SEC14L1: variants seen among roughly 807,000 people sequenced by gnomAD.
The protein encoded by SEC14L1 is SEC14-like protein 1.
In SEC14L1, 48 loss-of-function variants were observed where a neutral mutation model predicts 85.3. The ratio of observed to expected loss-of-function variants is 0.56; its 90% CI spans 0.45 to 0.72. SEC14L1 has a LOEUF of 0.72. SEC14L1 is among the 30% of genes least tolerant of loss of function. SEC14L1 has a pLI of 0.00. For synonymous variants in SEC14L1, 391 were observed against 355.5 expected, an observed-to-expected ratio of 1.10 and a Z score of -1.12; for missense variants, 682 against 921.4, an observed-to-expected ratio of 0.74 and a Z score of 3.36.
chr17:77,110,170 C>G (rs1972015558), intron 3 of SEC14L1, among the ~76,000 whole-genome samples: 1 of 152,208 alleles, frequency 6.6e-6, no homozygotes, highest in African/African-American at 2.4e-5. Context: ...CTCAGAACAC[C>G]AAGCTCTGAA....
At chr17:77,184,286 A>G (rs1257875948) in intron 3 of SEC14L1, among the ~76,000 whole-genome samples, 1 of 152,074 alleles carries the variant, frequency 6.6e-6, no homozygotes, top group Non-Finnish European at 1.5e-5. Flanking sequence ...CCTTTGTTAA[A>G]TTTATCTGTA....
In SEC14L1 at chr17:77,206,707, A is replaced by T; in HGVS notation, c.1342-21A>T. ...TCAGGCAGCAGAGAAATATGACTGC[A>T]TGGTCTTCTCCTCCTCACAGGTTAG... On this transcript the variant is annotated intron_variant, in intron 12 of 16. Transcript: ENST00000436233. This position sits in a 1 kb window ranked among gnomAD's most constrained non-coding sequence, Gnocchi z 4.3. The T allele has an allele frequency of 6.3e-7, 1 of 1,579,390 alleles. No homozygotes were observed. The highest frequency in any genetic ancestry group is 8.6e-7 in the Non-Finnish European group (1 of 1,165,948).
intron 3 of SEC14L1, among the ~76,000 whole-genome samples, chr17:77,096,055 C>CTTT (rs58863646): frequency 9.7e-5 from 12 of 124,238 alleles, no homozygotes; most frequent in African/African-American, 2.4e-4. Flanking sequence ...TGCAGTCAGT[C>CTTT]TTTTTTTTTT....
chr17:77,191,081 C>T, intron 4 of SEC14L1, 100 bp from the exon 5 acceptor site: 1 of 1,516,532 alleles, frequency 6.6e-7, no homozygotes, highest in South Asian at 1.2e-5. Flanking sequence ...GAGAGGGCGT[C>T]CTGGAGGGCA....
intron 3 of SEC14L1, among the ~76,000 whole-genome samples, chr17:77,190,202 A>G (rs190283885): frequency 6.3e-4 from 96 of 152,348 alleles, no homozygotes; most frequent in African/African-American, 2.1e-3. Flanking sequence ...TAATTGCTCC[A>G]GTAACATGTT....
At chr17:77,113,834 G>A (rs1260321470) in intron 3 of SEC14L1, among the ~76,000 whole-genome samples, 1 of 152,196 alleles carries the variant, frequency 6.6e-6, no homozygotes, top group Non-Finnish European at 1.5e-5. Flanking sequence ...CTGGGGTGAA[G>A]AAGTCACTGT....
intron 3 of SEC14L1, among the ~76,000 whole-genome samples, chr17:77,126,931 C>T (rs1477557319): frequency 6.6e-6 from 1 of 151,604 alleles, no homozygotes; most frequent in African/African-American, 2.4e-5. Context: ...AGCAGGGGCG[C>T]CTCCCTTCCC....
At chr17:77,159,769 A>ATTC (rs1973979545) in intron 3 of SEC14L1, among the ~76,000 whole-genome samples, 1 of 152,206 alleles carries the variant, frequency 6.6e-6, no homozygotes, top group African/African-American at 2.4e-5. Flanking sequence ...TGTTGAAAAT[A>ATTC]CAGCTTTAAT....
chr17:77,197,205 G>T (rs1975857827), intron 8 of SEC14L1, among the ~76,000 whole-genome samples: 1 of 152,222 alleles, frequency 6.6e-6, no homozygotes. Context: ...AGGAGTTGGG[G>T]TCATGAATAG....
chr17:77,155,336 A>G (rs1019270551), intron 3 of SEC14L1, among the ~76,000 whole-genome samples: 1 of 151,912 alleles, frequency 6.6e-6, no homozygotes, highest in East Asian at 1.9e-4. Flanking sequence ...ACACCCACAC[A>G]CCCACCCCAG....
At chr17:77,130,016 A>G (rs1972566657) in intron 3 of SEC14L1, 1 of 152,192 alleles carries the variant, frequency 6.6e-6, no homozygotes, top group South Asian at 2.1e-4. Context: ...CAAGCCAAAA[A>G]GAAATATGAT....
chr17:77,142,532 T>C (rs2143510083), intron 1 of SEC14L1, 114 bp from the exon 2 acceptor site: 1 of 136,138 alleles, frequency 7.3e-6, no homozygotes, highest in East Asian at 2.2e-4. Context: ...TGTTCCACCT[T>C]GGGCAACAGA....
intron 6 of SEC14L1, 131 bp downstream of exon 6, chr17:77,193,680 AC>A: frequency 2.2e-6 from 2 of 928,952 alleles, no homozygotes; most frequent in Admixed American, 2.4e-5. Flanking sequence ...TATGATCCCT[AC>A]CCCCTGCCTC....
intron 7 of SEC14L1, 113 bp from the exon 8 acceptor site, chr17:77,196,089 T>C: frequency 1.3e-6 from 1 of 751,900 alleles, no homozygotes; most frequent in South Asian, 1.6e-5. Flanking sequence ...TCTCTGCGGT[T>C]TCATGTGCCT....
intron 3 of SEC14L1, among the ~76,000 whole-genome samples, chr17:77,101,565 A>G (rs1369268123): frequency 2.6e-5 from 4 of 152,166 alleles, no homozygotes; most frequent in East Asian, 1.9e-4. Context: ...TTGGTCTAAG[A>G]ATATAAGTGA....
chr17:77,191,136 T>C, intron 4 of SEC14L1, 45 bp from the exon 5 acceptor site: 1 of 1,586,250 alleles, frequency 6.3e-7, no homozygotes, highest in Non-Finnish European at 8.6e-7. Context: ...TCTGTGCTAT[T>C]GGTTGTTATT....
chr17:77,165,290 G>A (rs1369175625), intron 3 of SEC14L1, among the ~76,000 whole-genome samples: 1 of 152,156 alleles, frequency 6.6e-6, no homozygotes, highest in South Asian at 2.1e-4. Flanking sequence ...GATTGAGGAC[G>A]TGCCTGTGAC....
At chr17:77,191,702 C>A (rs1176334413) in intron 5 of SEC14L1, among the ~76,000 whole-genome samples, 1 of 152,082 alleles carries the variant, frequency 6.6e-6, no homozygotes. Context: ...GCCACCACGC[C>A]AGGCTGATTT....
At chr17:77,093,359 T>G (rs1382891829) in intron 3 of SEC14L1, 1 of 152,212 alleles carries the variant, frequency 6.6e-6, no homozygotes, top group African/African-American at 2.4e-5. Flanking sequence ...TTTGTTTGGT[T>G]TAGTTCTTGA....
Sources: gnomAD v4.1 joint callset for allele counts (sites outside exome capture counted in the v4.1 genomes callset) on GRCh38, gnomAD v4.1.1 for gene constraint, Gnocchi (gnomAD v3.1) non-coding constraint, MANE v1.5 for transcripts, NCBI Gene and HGNC (gene_info 2026-07-23, HGNC 2026-07-21) for gene names.